Variants in POLB observed in about 807,000 individuals in gnomAD.
The protein encoded by POLB is DNA polymerase beta.
In POLB, 37 loss-of-function variants were observed where a neutral mutation model predicts 52.7. The observed-to-expected ratio is 0.70, with a 90% CI of 0.54 to 0.92. POLB has a LOEUF of 0.92. Ranked by LOEUF, POLB falls within the 40% of genes least tolerant of loss-of-function variation. The pLI is 0.00. For synonymous variants in POLB, 138 were observed against 131.3 expected, an observed-to-expected ratio of 1.05 and a Z score of -0.35; for missense variants, 313 against 400.8, an observed-to-expected ratio of 0.78 and a Z score of 1.87.
chr8:42,354,399 TGCTGTTTCTTTAACAAG>T, intron 6 of POLB: 2 of 1,126,712 alleles, frequency 1.8e-6, no homozygotes, highest in Non-Finnish European at 2.4e-6. Flanking sequence ...ATGCTTATCT[TGCTGTTTCTTTAACAAG>T]GCTCACAGCT....
intron 11 of POLB, among the ~76,000 whole-genome samples, chr8:42,363,152 C>T (rs1349172195): frequency 1.3e-5 from 2 of 151,224 alleles, no homozygotes; most frequent in East Asian, 2.0e-4. Flanking sequence ...AAATAATCAG[C>T]AGGATGCCTG....
intron 7 of POLB, 56 bp downstream of exon 7, chr8:42,355,623 A>G: frequency 1.9e-6 from 2 of 1,055,944 alleles, no homozygotes; most frequent in South Asian, 2.6e-5. Flanking sequence ...TTTTTTATAG[A>G]CATTCTTTTA....
At chr8:42,370,071 T>C in intron 13 of POLB, 83 bp downstream of exon 13, 1 of 1,028,860 alleles carries the variant, frequency 9.7e-7, no homozygotes, top group Non-Finnish European at 1.5e-6. Context: ...TAGCAAACCT[T>C]CTAATAACTA....
In POLB at chr8:42,352,569, G is replaced by A. The variant is rs1823041117; in HGVS notation, c.370+1G>A. On this transcript the variant is annotated splice_donor_variant, in intron 6 of 13. Transcript: ENST00000265421. LOFTEE classifies it high-confidence loss of function. ...GATGAAGGAATTAAAACACTAGAAG[G>A]TGAGTATGACTGTAGGTCACTAATT... is the stretch of plus-strand genomic sequence containing the variant. 2 of 1,567,036 alleles carry A rather than the reference G, an allele frequency of 1.3e-6. No homozygotes were observed. Among genetic ancestry groups the A allele is most frequent in the Admixed American group, 1.7e-5 (1 of 59,958 alleles).
intron 2 of POLB, chr8:42,342,749 C>A: frequency 5.8e-6 from 2 of 343,216 alleles, no homozygotes; most frequent in South Asian, 6.4e-5. Context: ...AATCCCACCA[C>A]TTTGGGATGC....
intron 2 of POLB, chr8:42,342,495 G>C: frequency 9.9e-7 from 1 of 1,005,870 alleles, no homozygotes; most frequent in Non-Finnish European, 1.6e-6. Context: ...TCCTCTATTT[G>C]GGTGTGTTGT....
intron 6 of POLB, chr8:42,354,305 G>A: frequency 2.5e-6 from 1 of 397,362 alleles, no homozygotes; most frequent in Non-Finnish European, 4.9e-6. Flanking sequence ...TCATAAAGAT[G>A]CTTATTTTTC....
intron 2 of POLB, 86 bp downstream of exon 2, chr8:42,339,155 A>C (rs1190785127): frequency 9.8e-7 from 1 of 1,022,360 alleles, no homozygotes; most frequent in Non-Finnish European, 1.6e-6. Context: ...GGCCCAGTGG[A>C]TATTTGGTCC....
intron 2 of POLB, among the ~76,000 whole-genome samples, chr8:42,343,923 G>A (rs1822421432): frequency 6.6e-6 from 1 of 152,096 alleles, no homozygotes; most frequent in Admixed American, 6.5e-5. Flanking sequence ...AAGGTCAGGA[G>A]TTCGGGATGA....
rs1272577753 is a variant in POLB, at chr8:42,350,015, G to T, written c.270G>T (p.Gln90His). The change falls in exon 5 of 14, where the codon CAG becomes CAT. Residue 90 changes from glutamine to histidine, a missense_variant. Coordinates refer to ENST00000265421, the MANE Select transcript of POLB (RefSeq NM_002690.3). ...GKLRKLEKIR[Q>H]DDTSSSINFL... is the part of the protein sequence containing the mutation. ...TTTTTTTTTTCTTAAAGATTCGGCA[G>T]GATGATACGAGTTCATCCATCAATT... 5 of 1,605,894 alleles carry T rather than the reference G, an allele frequency of 3.1e-6. No individual in the cohort carries two copies. The highest frequency in any genetic ancestry group is 1.7e-5 in the Admixed American group (1 of 59,984).
intron 2 of POLB, chr8:42,342,613 T>C (rs1822276132): frequency 1.5e-6 from 1 of 667,390 alleles, no homozygotes; most frequent in East Asian, 2.6e-5. Context: ...GCCTTATTCT[T>C]AACAACTTTA....
chr8:42,352,559 A>G lies in POLB; in HGVS notation c.361A>G (p.Thr121Ala). 1.3e-6 allele frequency: 2 copies of G among 1,586,988 alleles called. No homozygotes were observed. Among genetic ancestry groups the G allele is most frequent in the Non-Finnish European group, 1.7e-6 (2 of 1,155,372 alleles). ...GAAGTTTGTAGATGAAGGAATTAAA[A>G]CACTAGAAGGTGAGTATGACTGTAG... is the stretch of plus-strand genomic sequence containing the variant. Reference protein sequence around the residue: ...ARKFVDEGIKTLEDLRKNEDK... With the variant: ...ARKFVDEGIKALEDLRKNEDK... Residue 121 changes from threonine (T) to alanine (A), a missense_variant, in exon 6 of 14, where the codon ACA (threonine) becomes GCA (alanine). Around this residue, in one of 3 missense-constraint regions of POLB, gnomAD observed 246 missense variants for 297.6 expected, o/e 0.83. Transcript: ENST00000265421.
chr8:42,339,228 G>C, intron 2 of POLB, 159 bp downstream of exon 2: 1 of 667,132 alleles, frequency 1.5e-6, no homozygotes. Context: ...TGAAGAATGT[G>C]GGCAGTGCGT....
At position 42,344,999 on chromosome 8, in the gene POLB, G is replaced by A. The variant is rs764264750; in HGVS notation, c.166G>A (p.Gly56Arg). Residue 56 changes from glycine (G) to arginine (R), a missense_variant, in exon 3 of 14, where the codon GGA (glycine) becomes AGA (arginine). By Grantham distance (125) the Gly-to-Arg change is moderately radical. Around this residue, in one of 3 missense-constraint regions of POLB, gnomAD observed 13 missense variants for 39.8 expected, o/e 0.33. Transcript: ENST00000265421. Reference sequence around the variant, plus strand: ...AAAATACCCACACAAAATAAAGAGTGGAGCTGAAGCTAAGAAATTGGTAAG... The same window carrying A: ...AAAATACCCACACAAAATAAAGAGTAGAGCTGAAGCTAAGAAATTGGTAAG... ...IAKYPHKIKS[G>R]AEAKKLPGVG... The A allele has an allele frequency of 6.2e-7, 1 of 1,608,868 alleles. No homozygotes were observed. Among genetic ancestry groups the A allele is most frequent in the Admixed American group, 1.7e-5 (1 of 60,002 alleles).
intron 2 of POLB, among the ~76,000 whole-genome samples, chr8:42,343,853 C>T (rs1409549227): frequency 6.6e-6 from 1 of 152,110 alleles, no homozygotes; most frequent in Non-Finnish European, 1.5e-5. Flanking sequence ...AGACGTAGGC[C>T]AGGCGTGGTG....
intron 2 of POLB, among the ~76,000 whole-genome samples, chr8:42,343,732 A>C (rs928335574): frequency 1.3e-5 from 2 of 152,208 alleles, no homozygotes; most frequent in Non-Finnish European, 2.9e-5. Flanking sequence ...GTTACTCAGC[A>C]CAAATCAAAA....
In POLB at chr8:42,367,386, T is replaced by C. The variant is rs545488971; in HGVS notation, c.709-1885T>C. On this transcript the variant is annotated intron_variant, in intron 11 of 13. Coordinates refer to ENST00000265421, the MANE Select transcript of POLB (RefSeq NM_002690.3). The stretch of plus-strand genomic sequence containing the variant: ...GCAGCCTCATTGAGAACATGAGACT[T>C]AGGGAATGACATAGGGAGTTAGCTA... Among the ~76,000 whole-genome samples, 303 of 152,140 alleles carry C rather than the reference T, an allele frequency of 2.0e-3. 3 individuals are homozygous for C. The highest frequency in any genetic ancestry group is 4.9e-4 in the Non-Finnish European group (33 of 67,990).
Position 42,339,068 on chromosome 8 carries a change from A to G in POLB, c.118A>G (p.Arg40Gly), listed in dbSNP as rs905620155. Residue 40 changes from arginine (R) to glycine (G), a missense_variant and splice_region_variant, in exon 2 of 14, where the codon AGA becomes GGA. Arg to Gly is a moderately radical substitution (Grantham distance 125). This residue lies in a region of POLB where 54 missense variants were observed against 63.4 expected (regional missense o/e 0.85). Transcript: ENST00000265421. ...AGCTATCCACAAGTACAATGCTTACAGGTGGGACAGTGCAGCATTCTCGGG... is the reference window on the plus strand; with the variant it reads ...AGCTATCCACAAGTACAATGCTTACGGGTGGGACAGTGCAGCATTCTCGGG... ...SQAIHKYNAY[R>G]KAASVIAKYP... is the part of the protein sequence containing the mutation. 6.2e-7 allele frequency: 1 copy of G among 1,610,856 alleles called. No individual in the cohort carries two copies.
At chr8:42,352,133 T>C (rs1264409356) in intron 5 of POLB, among the ~76,000 whole-genome samples, 1 of 152,226 alleles carries the variant, frequency 6.6e-6, no homozygotes, top group Non-Finnish European at 1.5e-5. Flanking sequence ...TTTTTCTTGT[T>C]TATGTAACTA....
Sources: allele counts gnomAD v4.1 joint callset (sites outside exome capture counted in the v4.1 genomes callset), GRCh38; gene constraint gnomAD v4.1.1; regional missense constraint gnomAD v4.1.1; transcripts MANE v1.5; gene names NCBI Gene and HGNC (gene_info 2026-07-23, HGNC 2026-07-21).